TAFA5: variants seen among roughly 807,000 people sequenced by gnomAD.
The protein encoded by TAFA5 is TAFA chemokine like family member 5, also known as chemokine-like protein TAFA-5.
Under a neutral mutation model 15.3 loss-of-function variants are expected in TAFA5, and 6 were observed. The observed-to-expected ratio is 0.39, with a 90% CI of 0.21 to 0.77. TAFA5 has a LOEUF of 0.77. TAFA5 is among the 30% of genes least tolerant of loss of function. The probability of loss-of-function intolerance (pLI) is 0.41; values close to 1 mark genes in which losing one functional copy is unlikely to be tolerated. For missense variants in TAFA5, 161 were observed against 193.1 expected (o/e 0.83, Z 0.98); for synonymous variants, 103 against 80.7 (o/e 1.28, Z -1.48).
chr22:48,639,546 T>C (rs1926598342), intron 1 of TAFA5, among the ~76,000 whole-genome samples: 1 of 152,150 alleles, frequency 6.6e-6, no homozygotes, highest in South Asian at 2.1e-4. Context: ...TGAGGGCCTG[T>C]TTCCCGCCAG....
intron 2 of TAFA5, among the ~76,000 whole-genome samples, chr22:48,655,437 C>T (rs190378107): frequency 1.2e-3 from 185 of 152,282 alleles, no homozygotes; most frequent in African/African-American, 4.3e-3. Context: ...AAGGCACTAG[C>T]GTGTTCAGTT....
chr22:48,688,767 G>C (rs1194124803), intron 2 of TAFA5, among the ~76,000 whole-genome samples: 7 of 152,138 alleles, frequency 4.6e-5, no homozygotes, highest in Admixed American at 4.6e-4. Flanking sequence ...AAGGCTGGCG[G>C]ATCACCTGAG....
chr22:48,535,806 A>G (rs966616541), intron 1 of TAFA5, among the ~76,000 whole-genome samples: 3 of 151,580 alleles, frequency 2.0e-5, no homozygotes, highest in Admixed American at 2.0e-4. Context: ...CTGTGTGGGT[A>G]TATGCATATG....
chr22:48,676,035 G>C (rs1324422647), intron 2 of TAFA5, among the ~76,000 whole-genome samples: 1 of 152,206 alleles, frequency 6.6e-6, no homozygotes, highest in Admixed American at 6.5e-5. Context: ...CAGGCAGTGG[G>C]CCTTGGCTGG....
chr22:48,595,300 C>T (rs986565003), intron 1 of TAFA5, among the ~76,000 whole-genome samples: 9 of 152,222 alleles, frequency 5.9e-5, no homozygotes, highest in Non-Finnish European at 1.0e-4. Context: ...GACATGGTTC[C>T]CCAAATGGTT....
intron 1 of TAFA5, among the ~76,000 whole-genome samples, chr22:48,556,642 C>T (rs912569146): frequency 6.6e-6 from 1 of 152,210 alleles, no homozygotes; most frequent in Non-Finnish European, 1.5e-5. Context: ...GGGCACACAT[C>T]ACACAGGTGT....
chr22:48,633,478 C>T (rs1926307193), intron 1 of TAFA5, among the ~76,000 whole-genome samples: 2 of 152,114 alleles, frequency 1.3e-5, no homozygotes, highest in South Asian at 2.1e-4. Flanking sequence ...CTCTCTCGAG[C>T]TCCCTGCTTT....
At chr22:48,562,547 G>T (rs1408585104) in intron 1 of TAFA5, among the ~76,000 whole-genome samples, 1 of 149,598 alleles carries the variant, frequency 6.7e-6, no homozygotes, top group Non-Finnish European at 1.5e-5. Flanking sequence ...TCAGCAGCAA[G>T]CCCAGTCCTC....
intron 1 of TAFA5, chr22:48,539,188 A>G (rs1239547964): frequency 6.4e-6 from 2 of 312,114 alleles, no homozygotes; most frequent in Non-Finnish European, 1.3e-5. Flanking sequence ...TTGGTAAATA[A>G]TGACATTTCT....
intron 2 of TAFA5, among the ~76,000 whole-genome samples, chr22:48,691,083 C>A (rs1928526455): frequency 6.6e-6 from 1 of 152,186 alleles, no homozygotes; most frequent in African/African-American, 2.4e-5. Context: ...GAAGCCAGTC[C>A]CTGAGGCCGC....
chr22:48,599,459 CTGGTTGT>C (rs1303106875), intron 1 of TAFA5, among the ~76,000 whole-genome samples: 24 of 152,224 alleles, frequency 1.6e-4, no homozygotes, highest in African/African-American at 5.8e-4. Context: ...CCACAGGATG[CTGGTTGT>C]GGGCAGGTGG....
intron 1 of TAFA5, among the ~76,000 whole-genome samples, chr22:48,596,800 A>G (rs897848702): frequency 2.0e-5 from 3 of 151,186 alleles, no homozygotes; most frequent in Non-Finnish European, 2.9e-5. Flanking sequence ...GGATGCCATC[A>G]TTTTCATTTT....
At chr22:48,708,996 G>C (rs973478364) in intron 3 of TAFA5, among the ~76,000 whole-genome samples, 2 of 152,150 alleles carry the variant, frequency 1.3e-5, no homozygotes, top group African/African-American at 2.4e-5. Context: ...GGGCTCTCAG[G>C]GTCGTCTTCT....
At chr22:48,723,412 G>A (rs988491701) in intron 3 of TAFA5, among the ~76,000 whole-genome samples, 21 of 152,208 alleles carry the variant, frequency 1.4e-4, no homozygotes, top group African/African-American at 4.1e-4. Context: ...CTACCCCGTC[G>A]TGTTCATCAG....
chr22:48,687,277 ATGG>A (rs531144349), intron 2 of TAFA5, among the ~76,000 whole-genome samples: 315 of 145,678 alleles, frequency 2.2e-3, no homozygotes, highest in African/African-American at 6.9e-3. Flanking sequence ...GGATGAATGG[ATGG>A]TGGACGGATG....
At chr22:48,516,904 G>A (rs1201975578) in intron 1 of TAFA5, among the ~76,000 whole-genome samples, 1 of 152,218 alleles carries the variant, frequency 6.6e-6, no homozygotes, top group Non-Finnish European at 1.5e-5. Context: ...TGCTCTCAGA[G>A]GGGTCTGGCT....
chr22:48,563,035 G>A (rs139403156), intron 1 of TAFA5, among the ~76,000 whole-genome samples: 1,559 of 152,304 alleles, frequency 0.01, 29 homozygotes, highest in African/African-American at 0.035. Flanking sequence ...CGAGCCGCCC[G>A]CTTGCTCCTG....
chr22:48,692,330 TAATC>T (rs1368847339), intron 2 of TAFA5, among the ~76,000 whole-genome samples: 2 of 152,224 alleles, frequency 1.3e-5, no homozygotes, highest in African/African-American at 4.8e-5. Context: ...CTGTCAGGCT[TAATC>T]AAGGCAGCTG....
chr22:48,663,090 G>T (rs1185177726), intron 2 of TAFA5, among the ~76,000 whole-genome samples: 1 of 55,604 alleles, frequency 1.8e-5, no homozygotes, highest in African/African-American at 9.4e-5. Flanking sequence ...GATGAGCAGG[G>T]TGCTGGGCCC....
Sources: gnomAD v4.1 joint callset for allele counts (sites outside exome capture counted in the v4.1 genomes callset) on GRCh38, gnomAD v4.1.1 for gene constraint, MANE v1.5 for transcripts, NCBI Gene and HGNC (gene_info 2026-07-23, HGNC 2026-07-21) for gene names.